NPSR1: variants seen among roughly 807,000 people sequenced by gnomAD.
NPSR1 encodes the protein neuropeptide S receptor.
NPSR1 carries 48 observed loss-of-function variants against 46.9 expected under a neutral mutation model. The ratio of observed to expected loss-of-function variants is 1.02; its 90% CI spans 0.81 to 1.30. The LOEUF is 1.30. Among genes scored for constraint, NPSR1 ranks in the 50% most tolerant of loss-of-function variants. The pLI is 0.00. For missense variants in NPSR1, 450 were observed against 449.5 expected (o/e 1.00, Z -0.01); for synonymous variants, 176 against 168.1 (o/e 1.05, Z -0.36).
intron 8 of NPSR1, among the ~76,000 whole-genome samples, chr7:34,872,716 T>C (rs1562781471): frequency 2.0e-5 from 3 of 151,672 alleles, no homozygotes; most frequent in South Asian, 4.1e-4. Flanking sequence ...CTCCTCTTTA[T>C]AAAACGATCA....
chr7:34,827,197 G>A (rs183751572), intron 4 of NPSR1, among the ~76,000 whole-genome samples: 1 of 152,320 alleles, frequency 6.6e-6, no homozygotes, highest in East Asian at 1.9e-4. Flanking sequence ...GCTGGCTTCT[G>A]TTCAAGCTTC....
At chr7:34,714,225 G>C (rs1783441719) in intron 2 of NPSR1, among the ~76,000 whole-genome samples, 1 of 152,246 alleles carries the variant, frequency 6.6e-6, no homozygotes, top group Non-Finnish European at 1.5e-5. Flanking sequence ...GGCGAAAGCT[G>C]CAAGGACTCC....
intron 2 of NPSR1, among the ~76,000 whole-genome samples, chr7:34,730,596 G>A (rs1393487816): frequency 6.6e-6 from 1 of 152,124 alleles, no homozygotes; most frequent in Non-Finnish European, 1.5e-5. Context: ...TGGTGCTAGT[G>A]GGCATTTAAG....
At chr7:34,852,784 T>A (rs1790965994), downstream of NPSR1, among the ~76,000 whole-genome samples, 1 of 152,200 alleles carries the variant, frequency 6.6e-6, no homozygotes, top group Admixed American at 6.5e-5. Context: ...AGGTGCTTAC[T>A]TCCTGCACCA....
chr7:34,834,248 A>G lies in NPSR1; in HGVS notation c.681-136A>G, dbSNP rs189781504. 2.4e-4 allele frequency: 162 copies of G among 670,360 alleles called. 1 individual carries two copies. Among genetic ancestry groups the G allele is most frequent in the Non-Finnish European group, 5.9e-5 (22 of 370,818 alleles). 41.5% of individuals were successfully genotyped at this position (670,360 alleles called of 1,614,324 possible). On this transcript the variant is annotated intron_variant, in intron 5 of 8. Transcript: ENST00000360581. ...TTCAGTTGCAATTCTATGAACAGCA[A>G]GTATAAGGGGGCAGGCATGGTTAAA...
At chr7:34,853,696 C>T (rs1000307315), downstream of NPSR1, among the ~76,000 whole-genome samples, 2 of 152,146 alleles carry the variant, frequency 1.3e-5, no homozygotes, top group African/African-American at 4.8e-5. Flanking sequence ...CATGGTGGCT[C>T]ACGCCTGTAA....
chr7:34,715,443 C>G (rs959208199), intron 2 of NPSR1, among the ~76,000 whole-genome samples: 1 of 152,202 alleles, frequency 6.6e-6, no homozygotes, highest in African/African-American at 2.4e-5. Flanking sequence ...TCAGTCAGCC[C>G]TACAGAACCT....
At chr7:34,764,182 T>G (rs1374195340) in intron 2 of NPSR1, among the ~76,000 whole-genome samples, 2 of 152,212 alleles carry the variant, frequency 1.3e-5, no homozygotes, top group Non-Finnish European at 2.9e-5. Flanking sequence ...TTTATCAAAA[T>G]GTTTTAGGGT....
chr7:34,878,004 C>T, intron 8 of NPSR1: 1 of 832,192 alleles, frequency 1.2e-6, no homozygotes, highest in Non-Finnish European at 2.0e-6. Flanking sequence ...TGAGGTCACA[C>T]ATTCCTTCCT....
intron 1 of NPSR1, among the ~76,000 whole-genome samples, chr7:34,668,822 A>T (rs1791889822): frequency 6.6e-6 from 1 of 152,176 alleles, no homozygotes; most frequent in Non-Finnish European, 1.5e-5. Context: ...AATAACACAT[A>T]TGACTTCCAC....
intron 2 of NPSR1, 136 bp from the exon 3 acceptor site, chr7:34,778,326 C>T (rs1787071642): frequency 1.1e-5 from 6 of 530,634 alleles, no homozygotes; most frequent in Non-Finnish European, 1.7e-5. Flanking sequence ...CCTCAGTGGC[C>T]ATCTGATAAA....
At chr7:34,778,439 A>G in intron 2 of NPSR1, 23 bp from the exon 3 acceptor site, 2 of 1,317,538 alleles carry the variant, frequency 1.5e-6, no homozygotes, top group Non-Finnish European at 2.2e-6. Flanking sequence ...CCCTGAATGT[A>G]AGCACTTGTA....
At chr7:34,678,403 G>A (rs1792437686) in intron 1 of NPSR1, among the ~76,000 whole-genome samples, 1 of 151,746 alleles carries the variant, frequency 6.6e-6, no homozygotes, top group African/African-American at 2.4e-5. Context: ...AATTTTTAAA[G>A]AAGAAATTGC....
intron 3 of NPSR1, among the ~76,000 whole-genome samples, chr7:34,791,176 ATAT>A (rs1460467639): frequency 8.3e-6 from 1 of 120,208 alleles, no homozygotes; most frequent in Non-Finnish European, 1.6e-5. Flanking sequence ...GTTATATATT[ATAT>A]TATATATGTT....
chr7:34,841,634 C>T (rs1177550790), intron 6 of NPSR1, among the ~76,000 whole-genome samples: 1 of 152,164 alleles, frequency 6.6e-6, no homozygotes, highest in African/African-American at 2.4e-5. Context: ...CTCTGAAGGG[C>T]CATCTTTAGA....
At chr7:34,822,322 C>A (rs988095441) in intron 4 of NPSR1, among the ~76,000 whole-genome samples, 1 of 151,970 alleles carries the variant, frequency 6.6e-6, no homozygotes, top group Non-Finnish European at 1.5e-5. Flanking sequence ...AGTGGCAGGG[C>A]TCTCTGGGAG....
At chr7:34,808,485 C>T (rs767297781) in intron 3 of NPSR1, among the ~76,000 whole-genome samples, 104 of 152,082 alleles carry the variant, frequency 6.8e-4, no homozygotes, top group Non-Finnish European at 1.1e-3. Flanking sequence ...GTACTCTGTC[C>T]CTTCACTCAA....
At chr7:34,823,187 T>C (rs1162371763) in intron 4 of NPSR1, among the ~76,000 whole-genome samples, 6 of 152,008 alleles carry the variant, frequency 3.9e-5, no homozygotes, top group Admixed American at 3.9e-4. Context: ...GGTCACAAGT[T>C]TGAGACCAGC....
intron 5 of NPSR1, among the ~76,000 whole-genome samples, chr7:34,830,842 A>G (rs1418198735): frequency 2.6e-5 from 4 of 152,138 alleles, no homozygotes; most frequent in African/African-American, 2.4e-5. Flanking sequence ...TGGCTGCTTC[A>G]TGGTGAGCTG....
Sources: gnomAD v4.1 joint callset for allele counts (sites outside exome capture counted in the v4.1 genomes callset) on GRCh38, gnomAD v4.1.1 for gene constraint, MANE v1.5 for transcripts, NCBI Gene and HGNC (gene_info 2026-07-23, HGNC 2026-07-21) for gene names.